Variants in TNFSF4 observed in about 807,000 individuals in gnomAD.
TNFSF4 encodes TNF superfamily member 4, also known as tumor necrosis factor ligand superfamily member 4.
A neutral mutation model predicts 7.3 loss-of-function variants in TNFSF4; 4 were observed. The ratio of observed to expected loss-of-function variants is 0.55; its 90% CI spans 0.27 to 1.25. TNFSF4 has a LOEUF of 1.25. Ranked by LOEUF, TNFSF4 falls within the 50% of genes most tolerant of loss-of-function variation. The probability of loss-of-function intolerance (pLI) is 0.12; values close to 1 mark genes in which losing one functional copy is unlikely to be tolerated. For missense variants in TNFSF4, 181 were observed against 208.8 expected, an observed-to-expected ratio of 0.87 and a Z score of 0.82; for synonymous variants, 76 against 83.7, an observed-to-expected ratio of 0.91 and a Z score of 0.50.
the TNFSF4 span, among the ~76,000 whole-genome samples, chr1:173,389,775 T>C: frequency 6.6e-6 from 1 of 152,224 alleles, no homozygotes; most frequent in Non-Finnish European, 1.5e-5. Context: ...CTGCATCTAA[T>C]CTGCTCCATA....
At chr1:173,402,158 T>C in the TNFSF4 span, among the ~76,000 whole-genome samples, 6 of 152,318 alleles carry the variant, frequency 3.9e-5, no homozygotes, top group South Asian at 6.2e-4. Flanking sequence ...TCTTTTACCC[T>C]AGGTCAAAGA....
intron 1 of TNFSF4, among the ~76,000 whole-genome samples, chr1:173,197,119 T>C (rs1310525442): frequency 6.6e-6 from 1 of 152,112 alleles, no homozygotes; most frequent in Non-Finnish European, 1.5e-5. Context: ...TTGCTCAAGG[T>C]TTTAGAAATT....
At chr1:173,449,275 G>A in the TNFSF4 span, among the ~76,000 whole-genome samples, 2,346 of 152,168 alleles carry the variant, frequency 0.015, 31 homozygotes, top group South Asian at 0.064. Flanking sequence ...ACAGCCTACA[G>A]AACCATAAGT....
the TNFSF4 span, among the ~76,000 whole-genome samples, chr1:173,307,612 C>T: frequency 4.6e-5 from 7 of 151,834 alleles, no homozygotes; most frequent in African/African-American, 1.5e-4. Flanking sequence ...ATGCAATAAT[C>T]ATACTGTGGT....
At chr1:173,326,291 A>G in the TNFSF4 span, among the ~76,000 whole-genome samples, 2 of 152,216 alleles carry the variant, frequency 1.3e-5, no homozygotes, top group Non-Finnish European at 2.9e-5. Context: ...ATAGATGCAG[A>G]AAAGGCCTTT....
the TNFSF4 span, among the ~76,000 whole-genome samples, chr1:173,273,363 G>A: frequency 6.6e-6 from 1 of 152,070 alleles, no homozygotes; most frequent in Non-Finnish European, 1.5e-5. Context: ...TCTTCCTAGT[G>A]CCTCAAGCTA....
the TNFSF4 span, among the ~76,000 whole-genome samples, chr1:173,361,339 C>T: frequency 6.6e-6 from 1 of 152,194 alleles, no homozygotes; most frequent in Non-Finnish European, 1.5e-5. Context: ...TGAGCCACCC[C>T]TCTTCATAAG....
the TNFSF4 span, among the ~76,000 whole-genome samples, chr1:173,434,682 A>T: frequency 1.3e-5 from 2 of 152,192 alleles, no homozygotes; most frequent in African/African-American, 4.8e-5. Context: ...TGCCATGGAG[A>T]CCAAATGCCA....
the TNFSF4 span, among the ~76,000 whole-genome samples, chr1:173,302,672 A>T: frequency 6.6e-6 from 1 of 151,896 alleles, no homozygotes. Flanking sequence ...CAAGATATCT[A>T]AAAAAAGATA....
the TNFSF4 span, among the ~76,000 whole-genome samples, chr1:173,240,113 A>G: frequency 6.6e-6 from 1 of 152,062 alleles, no homozygotes; most frequent in African/African-American, 2.4e-5. Context: ...TGGCCCCCAC[A>G]TTCAACAACT....
chr1:173,228,107 T>C, the TNFSF4 span, among the ~76,000 whole-genome samples: 1 of 152,132 alleles, frequency 6.6e-6, no homozygotes, highest in Admixed American at 6.5e-5. Flanking sequence ...GAGTTTGAGA[T>C]CTGAGAACAG....
chr1:173,336,969 T>G, the TNFSF4 span, among the ~76,000 whole-genome samples: 2 of 152,108 alleles, frequency 1.3e-5, no homozygotes, highest in Non-Finnish European at 2.9e-5. Flanking sequence ...TCCACCTATT[T>G]ACCAAGTGAC....
At chr1:173,275,285 A>G in the TNFSF4 span, among the ~76,000 whole-genome samples, 2 of 152,112 alleles carry the variant, frequency 1.3e-5, no homozygotes, top group African/African-American at 2.4e-5. Flanking sequence ...GAAACTTCCC[A>G]TCTTTTAAGT....
chr1:173,358,057 T>A, the TNFSF4 span, among the ~76,000 whole-genome samples: 1 of 145,048 alleles, frequency 6.9e-6, no homozygotes, highest in Non-Finnish European at 1.5e-5. Flanking sequence ...GGGGGGGGTA[T>A]CCTGGATTAG....
chr1:173,444,392 T>C, the TNFSF4 span, among the ~76,000 whole-genome samples: 1 of 152,170 alleles, frequency 6.6e-6, no homozygotes, highest in Non-Finnish European at 1.5e-5. Flanking sequence ...TCTGTTTTTT[T>C]CGTACAAAAA....
At chr1:173,388,226 C>T in the TNFSF4 span, among the ~76,000 whole-genome samples, 1 of 152,210 alleles carries the variant, frequency 6.6e-6, no homozygotes, top group East Asian at 1.9e-4. Flanking sequence ...AACTGTGGTA[C>T]ACTTGTTCCA....
chr1:173,227,642 G>A, the TNFSF4 span, among the ~76,000 whole-genome samples: 16 of 152,354 alleles, frequency 1.1e-4, no homozygotes, highest in South Asian at 4.1e-4. Flanking sequence ...GCGAGGCATC[G>A]CCTCACCCGG....
At chr1:173,221,655 A>G in the TNFSF4 span, among the ~76,000 whole-genome samples, 1 of 152,212 alleles carries the variant, frequency 6.6e-6, no homozygotes, top group Non-Finnish European at 1.5e-5. Context: ...CAGTTTGCAA[A>G]TGAAGAGCTC....
chr1:173,200,370 G>A (rs1047073105), intron 1 of TNFSF4, among the ~76,000 whole-genome samples: 2 of 152,172 alleles, frequency 1.3e-5, no homozygotes, highest in African/African-American at 4.8e-5. Flanking sequence ...AAAAAGCTCT[G>A]CAAAGATGAG....
Sources: allele counts gnomAD v4.1 joint callset (sites outside exome capture counted in the v4.1 genomes callset), GRCh38; gene constraint gnomAD v4.1.1; transcripts MANE v1.5; gene names NCBI Gene and HGNC (gene_info 2026-07-23, HGNC 2026-07-21).